The following SIRT3 variants were observed in gnomAD, a reference collection of about 807,000 sequenced individuals.
SIRT3 encodes the protein NAD-dependent protein deacetylase sirtuin-3, mitochondrial.
Under a neutral mutation model 33.5 loss-of-function variants are expected in SIRT3, and 26 were observed. That is an observed-to-expected ratio of 0.78 (90% CI 0.57 to 1.08). The LOEUF is 1.08. SIRT3 is among the 50% of genes least tolerant of loss of function. The probability of loss-of-function intolerance (pLI) is 0.00; values close to 1 mark genes in which losing one functional copy is unlikely to be tolerated. For synonymous variants in SIRT3, 237 were observed against 222.1 expected (o/e 1.07, Z -0.60); for missense variants, 585 against 530.1 (o/e 1.10, Z -1.02).
Position 224,238 on chromosome 11 carries a change from G to A in SIRT3, c.809C>T (p.Ala270Val), listed in dbSNP as rs1412349361. The change falls in exon 5 of 7, where the codon GCT (alanine) becomes GTT (valine). Residue 270 changes from alanine to valine, a missense_variant and splice_region_variant. Coordinates refer to ENST00000382743, the MANE Select transcript of SIRT3 (RefSeq NM_012239.6). ...GGGAACCCTGTCTGCCATCACGTCA[G>A]CCTGGAAAACAGAGAAAACAGGCCT... The part of the protein sequence containing the change: ...QRPFPGEDIR[A>V]DVMADRVPRC... 7 of 1,613,782 alleles carry A rather than the reference G, an allele frequency of 4.3e-6. No individual in the cohort carries two copies. Among genetic ancestry groups the A allele is most frequent in the Non-Finnish European group, 5.9e-6 (7 of 1,179,926 alleles).
At chr11:231,859 TCTCTCCGGGAGCCTGG>T (rs1858063378) in intron 3 of SIRT3, among the ~76,000 whole-genome samples, 1 of 68,926 alleles carries the variant, frequency 1.5e-5, no homozygotes, top group South Asian at 5.0e-4. Context: ...ACATCAGCAG[TCTCTCCGGGAGCCTGG>T]CTCCCGGAGA....
In SIRT3 at chr11:233,329, A is replaced by G. The variant is rs202097645; in HGVS notation, c.473+14T>C. On this transcript the variant is annotated intron_variant, in intron 2 of 6. Transcript: ENST00000382743. ...GAGGGGAGCGCAGAAGGCAGGTGGG[A>G]CTGTGGGCAGTACCTGAAGTCTGGA... 11 of 1,611,056 alleles carry G rather than the reference A, an allele frequency of 6.8e-6. No individual in the cohort carries two copies. Among genetic ancestry groups the G allele is most frequent in the Non-Finnish European group, 9.3e-6 (11 of 1,178,064 alleles).
intron 4 of SIRT3, among the ~76,000 whole-genome samples, chr11:226,755 T>A (rs1312822260): frequency 6.1e-4 from 39 of 64,038 alleles, no homozygotes; most frequent in Non-Finnish European, 7.5e-4. Context: ...ATTATTATTA[T>A]TATTTTTTTT....
chr11:220,599 G>A (rs1455121366), intron 5 of SIRT3, among the ~76,000 whole-genome samples: 5 of 152,190 alleles, frequency 3.3e-5, no homozygotes, highest in Non-Finnish European at 7.4e-5. Flanking sequence ...AATTTGATTT[G>A]TGTGATTTTG....
At chr11:235,961 C>A in intron 1 of SIRT3, 87 bp downstream of exon 1, 1 of 1,375,474 alleles carries the variant, frequency 7.3e-7, no homozygotes, top group Non-Finnish European at 9.5e-7. Flanking sequence ...CCCAGACATG[C>A]CGCAAAGGAA....
chr11:235,567 T>C (rs1357326005), intron 1 of SIRT3, among the ~76,000 whole-genome samples: 2 of 152,220 alleles, frequency 1.3e-5, no homozygotes, highest in Non-Finnish European at 2.9e-5. Flanking sequence ...CATTATTTAC[T>C]TAAATATTCA....
intron 4 of SIRT3, among the ~76,000 whole-genome samples, chr11:229,207 C>G (rs1429853240): frequency 9.2e-5 from 14 of 152,064 alleles, no homozygotes; most frequent in African/African-American, 2.9e-4. Context: ...TAATCCCACA[C>G]TTTGGGAGAA....
At chr11:220,330 C>CAAAAAA (rs55855156) in intron 5 of SIRT3, among the ~76,000 whole-genome samples, 2 of 87,008 alleles carry the variant, frequency 2.3e-5, no homozygotes, top group African/African-American at 4.1e-5. Context: ...GACTCTGTCT[C>CAAAAAA]AAAAAAAAAA....
At chr11:236,466 C>G (rs1392343901), upstream of SIRT3, 1 of 472,710 alleles carries the variant, frequency 2.1e-6, no homozygotes. Flanking sequence ...CCGGTCCCGC[C>G]TCCGCGCCCC....
At chr11:236,901 C>T (rs936337919), upstream of SIRT3, 41 of 682,406 alleles carry the variant, frequency 6.0e-5, no homozygotes, top group Non-Finnish European at 1.1e-4. Context: ...TGTAACCGAG[C>T]AACCAGCGGG....
Position 216,849 on chromosome 11 carries a change from C to T in SIRT3, c.1180-131G>A, listed in dbSNP as rs1369726757. ...CAAAACAAGCTGCTTTCTGCAAATA[C>T]TGCTGCTGCTGTGCTGGGCTAAGAG... On this transcript the variant is annotated intron_variant, in intron 6 of 6. Coordinates refer to ENST00000382743, the MANE Select transcript of SIRT3 (RefSeq NM_012239.6). 9.3e-6 allele frequency: 9 copies of T among 965,402 alleles called. No individual in the cohort carries two copies. In the African/African-American group the frequency reaches 9.6e-5, roughly 10 times the overall value. 59.8% of individuals were successfully genotyped at this position (965,402 alleles called of 1,614,324 possible).
upstream of SIRT3, chr11:236,866 T>G (rs1424938291): frequency 6.6e-6 from 4 of 608,638 alleles, no homozygotes; most frequent in Admixed American, 6.0e-5. Context: ...CGCCGGAGAG[T>G]TTTGTCCGGA....
intron 4 of SIRT3, among the ~76,000 whole-genome samples, chr11:229,008 A>C (rs1309354035): frequency 6.6e-6 from 1 of 152,262 alleles, no homozygotes; most frequent in South Asian, 2.1e-4. Flanking sequence ...AATCAGTGCT[A>C]CAGTGGGTTA....
rs1856735801 is a variant in SIRT3, at chr11:223,653, C to T, written c.969+425G>A. 4 of 555,452 alleles carry T rather than the reference C, an allele frequency of 7.2e-6. No homozygotes were observed. Among genetic ancestry groups the T allele is most frequent in the South Asian group, 3.5e-5 (2 of 56,802 alleles). 34.4% of individuals were successfully genotyped at this position (555,452 alleles called of 1,614,324 possible). On this transcript the variant is annotated intron_variant, in intron 5 of 6. Coordinates refer to ENST00000382743, the MANE Select transcript of SIRT3 (RefSeq NM_012239.6). This position sits in a 1 kb window ranked among gnomAD's most constrained non-coding sequence, Gnocchi z 4.8. ...CTCCCTTCTCCTCACACGTGGTGCC[C>T]CACCCACACCTATACCACCTCCAAA...
intron 5 of SIRT3, among the ~76,000 whole-genome samples, chr11:220,089 G>A (rs1856219670): frequency 6.6e-6 from 1 of 151,960 alleles, no homozygotes; most frequent in Non-Finnish European, 1.5e-5. Context: ...CAGCACTTTG[G>A]GAGGCCGAGG....
In SIRT3 at chr11:215,239, T is replaced by G. The variant is rs1427538917; in HGVS notation, c.*1459A>C. On this transcript the variant is annotated 3_prime_UTR_variant, in exon 7 of 7. Coordinates refer to ENST00000382743, the MANE Select transcript of SIRT3 (RefSeq NM_012239.6). ...GAGTTCGAGACCAGCCTGGCCAACATAGCAAAACCTTGTCTCTATTACAAA... is the reference window on the plus strand; with the variant it reads ...GAGTTCGAGACCAGCCTGGCCAACAGAGCAAAACCTTGTCTCTATTACAAA... 1 of 152,916 alleles carries G rather than the reference T, an allele frequency of 6.5e-6. No homozygotes were observed. Among genetic ancestry groups the G allele is most frequent in the Non-Finnish European group, 1.5e-5 (1 of 68,654 alleles). The allele number at this position is 152,916 out of a possible 1,614,324, so 9.5% of individuals were successfully genotyped here. A position where few individuals can be genotyped will look rare whatever the true frequency, so the allele number is the denominator to read the frequency against.
At chr11:217,945 C>T (rs1855885452) in intron 6 of SIRT3, among the ~76,000 whole-genome samples, 1 of 152,192 alleles carries the variant, frequency 6.6e-6, no homozygotes, top group African/African-American at 2.4e-5. Context: ...GAATAAGTCT[C>T]ACAAGATCTG....
intron 5 of SIRT3, among the ~76,000 whole-genome samples, chr11:220,609 G>A (rs1474151672): frequency 1.3e-5 from 2 of 152,170 alleles, no homozygotes; most frequent in East Asian, 1.9e-4. Flanking sequence ...GTGTGATTTT[G>A]GTTTTGGTGA....
At chr11:233,868 C>A in intron 1 of SIRT3, 1 of 217,618 alleles carries the variant, frequency 4.6e-6, no homozygotes, top group Non-Finnish European at 9.1e-6. Context: ...GTTAAGGAGT[C>A]AAGAAGCAAA....
Sources: gnomAD v4.1 joint callset for allele counts (sites outside exome capture counted in the v4.1 genomes callset) on GRCh38, gnomAD v4.1.1 for gene constraint, Gnocchi (gnomAD v3.1) non-coding constraint, MANE v1.5 for transcripts, NCBI Gene and HGNC (gene_info 2026-07-23, HGNC 2026-07-21) for gene names.